The following ZDHHC2 variants were observed in gnomAD, a reference collection of about 807,000 sequenced individuals.
ZDHHC2 encodes the protein zDHHC palmitoyltransferase 2.
In ZDHHC2, 51 loss-of-function variants were observed where a neutral mutation model predicts 55.6. The observed-to-expected ratio is 0.92, with a 90% CI of 0.73 to 1.16. The LOEUF (loss-of-function observed/expected upper bound fraction) is 1.16, where lower values mean the gene tolerates loss of function less well. Ranked by LOEUF, ZDHHC2 falls within the 50% of genes most tolerant of loss-of-function variation. The pLI is 0.00. For missense variants in ZDHHC2, 491 were observed against 442.4 expected, an observed-to-expected ratio of 1.11 and a Z score of -0.99; for synonymous variants, 199 against 152.9, an observed-to-expected ratio of 1.30 and a Z score of -2.22.
intron 6 of ZDHHC2, among the ~76,000 whole-genome samples, chr8:17,204,709 A>G (rs1367605524): frequency 6.6e-6 from 1 of 152,216 alleles, no homozygotes; most frequent in Admixed American, 6.5e-5. Context: ...ACTAATGGAT[A>G]CTAGGCTTAA....
At chr8:17,210,259 T>C in intron 9 of ZDHHC2, 129 bp from the exon 10 acceptor site, 1 of 1,067,912 alleles carries the variant, frequency 9.4e-7, no homozygotes, top group Non-Finnish European at 1.3e-6. Context: ...TATGTTGAGC[T>C]CAATGTCTAA....
At chr8:17,197,261 G>C (rs535390962) in intron 4 of ZDHHC2, among the ~76,000 whole-genome samples, 1 of 152,090 alleles carries the variant, frequency 6.6e-6, no homozygotes, top group Non-Finnish European at 1.5e-5. Flanking sequence ...TGGTTTAATT[G>C]AGGGAGACAT....
rs148640117 is a variant in ZDHHC2 at position 17,213,076 on chromosome 8, G to A, written c.951-2161G>A. Among the ~76,000 whole-genome samples the A allele has an allele frequency of 1.1e-4, 17 of 152,142 alleles. No individual in the cohort carries two copies. In the East Asian group the frequency reaches 2.1e-3, roughly 19 times the overall value. Reference sequence around the variant, plus strand: ...CACATGGACCAAGCATGTTCCTTATGTAGTGCCTTGTCCTTGCTAATTCCC... The same window carrying A: ...CACATGGACCAAGCATGTTCCTTATATAGTGCCTTGTCCTTGCTAATTCCC... On this transcript the variant is annotated intron_variant, in intron 10 of 12. Coordinates refer to ENST00000262096, the MANE Select transcript of ZDHHC2 (RefSeq NM_016353.5).
chr8:17,196,425 T>C (rs1221702082), intron 4 of ZDHHC2, among the ~76,000 whole-genome samples: 2 of 152,088 alleles, frequency 1.3e-5, no homozygotes, highest in Non-Finnish European at 2.9e-5. Context: ...CACAGTGGCT[T>C]GTGCCTATAA....
intron 1 of ZDHHC2, among the ~76,000 whole-genome samples, chr8:17,157,083 G>T (rs1388879358): frequency 6.6e-6 from 1 of 151,966 alleles, no homozygotes; most frequent in African/African-American, 2.4e-5. Flanking sequence ...CCTCCGCCCC[G>T]CACTCGCCGC....
chr8:17,209,940 A>G lies in ZDHHC2; in HGVS notation c.739A>G (p.Arg247Gly). ...TTACCATCTTTTTTTAGAGGCATTC[A>G]GAAGTCCAGTATTTCGACATGGAAC... ...SKNKSTLEAF[R>G]SPVFRHGTDK... The change falls in exon 9 of 13, where the codon AGA (arginine) becomes GGA (glycine). Residue 247 changes from arginine to glycine, a missense_variant. Arg to Gly is a moderately radical substitution (Grantham distance 125). Coordinates refer to ENST00000262096, the MANE Select transcript of ZDHHC2 (RefSeq NM_016353.5). 2.5e-6 allele frequency: 4 copies of G among 1,608,268 alleles called. No individual in the cohort carries two copies. Among genetic ancestry groups the G allele is most frequent in the Non-Finnish European group, 3.4e-6 (4 of 1,177,606 alleles).
At chr8:17,209,511 A>T (rs1228855048) in intron 8 of ZDHHC2, among the ~76,000 whole-genome samples, 1 of 152,168 alleles carries the variant, frequency 6.6e-6, no homozygotes, top group African/African-American at 2.4e-5. Context: ...GGATTTACTT[A>T]AAAACAAAGG....
intron 7 of ZDHHC2, among the ~76,000 whole-genome samples, chr8:17,207,646 T>C (rs1243042932): frequency 6.6e-6 from 1 of 152,190 alleles, no homozygotes; most frequent in Non-Finnish European, 1.5e-5. Context: ...CTACATTTTA[T>C]AGTTCCATTT....
intron 1 of ZDHHC2, among the ~76,000 whole-genome samples, chr8:17,163,386 T>C (rs943758494): frequency 6.6e-6 from 1 of 152,150 alleles, no homozygotes; most frequent in Non-Finnish European, 1.5e-5. Context: ...TTTGATCTTT[T>C]TTCGTTACCA....
intron 8 of ZDHHC2, among the ~76,000 whole-genome samples, 187 bp downstream of exon 8, chr8:17,208,279 TTGTCTCATATATA>T (rs1807203854): frequency 6.6e-6 from 1 of 150,454 alleles, no homozygotes; most frequent in East Asian, 1.9e-4. Context: ...TATTTATTGA[TTGTCTCATATATA>T]TGTATATATA....
chr8:17,219,064 A>G (rs1429355100), intron 12 of ZDHHC2, among the ~76,000 whole-genome samples: 1 of 151,944 alleles, frequency 6.6e-6, no homozygotes, highest in Non-Finnish European at 1.5e-5. Context: ...AGCCTAACCA[A>G]CAAGGTGAAA....
chr8:17,174,927 A>G (rs1041322426), intron 1 of ZDHHC2, among the ~76,000 whole-genome samples: 3 of 151,590 alleles, frequency 2.0e-5, no homozygotes, highest in Non-Finnish European at 2.9e-5. Flanking sequence ...GAGTTTTACC[A>G]TGTTGCCAAG....
rs1807940053 is a variant in ZDHHC2, at chr8:17,222,008, A to G, written c.*1787A>G. On this transcript the variant is annotated 3_prime_UTR_variant, in exon 13 of 13. Transcript: ENST00000262096. ...TTTTTTTTTTTTTTTTTTTCAAAGC[A>G]CAGTACTGTTAGCTGTTTTTGTGGA... The G allele has an allele frequency of 7.2e-6, 1 of 138,880 alleles. No homozygotes were observed. Among genetic ancestry groups the G allele is most frequent in the African/African-American group, 2.7e-5 (1 of 37,450 alleles). The allele number at this position is 138,880 out of a possible 1,614,324, so 8.6% of individuals were successfully genotyped here. A position where few individuals can be genotyped will look rare whatever the true frequency, so the allele number is the denominator to read the frequency against.
At chr8:17,175,905 C>G (rs911746156) in intron 1 of ZDHHC2, among the ~76,000 whole-genome samples, 4 of 152,182 alleles carry the variant, frequency 2.6e-5, no homozygotes, top group African/African-American at 9.7e-5. Flanking sequence ...GCTTTTCAGA[C>G]TGGGCAAAGA....
intron 1 of ZDHHC2, among the ~76,000 whole-genome samples, chr8:17,163,131 G>T (rs62497324): frequency 3.5e-4 from 54 of 152,222 alleles, no homozygotes; most frequent in Non-Finnish European, 7.1e-4. Context: ...AGCCTGGAGA[G>T]CTTAGCTTAG....
chr8:17,215,303 T>G lies in ZDHHC2; in HGVS notation c.1017T>G (p.Ser339=), dbSNP rs568940928. ...CCCAGAGCCACCTTCTTACTGATTC[T>G]CAGTCTTGGACGGAGAGCAGCATAA... The part of the protein sequence containing the change: ...RESQSHLLTD[S]QSWTESSINP... Residue 339 remains serine, a synonymous_variant, in exon 11 of 13, where the codon TCT becomes TCG. Transcript: ENST00000262096. 6.3e-7 allele frequency: 1 copy of G among 1,599,936 alleles called. No homozygotes were observed. Among genetic ancestry groups the G allele is most frequent in the Admixed American group, 1.7e-5 (1 of 58,162 alleles).
chr8:17,213,459 C>T (rs915508196), intron 10 of ZDHHC2, among the ~76,000 whole-genome samples: 6 of 152,050 alleles, frequency 3.9e-5, no homozygotes, highest in African/African-American at 1.4e-4. Context: ...ACCATATTGG[C>T]CAGGCTGGTC....
intron 1 of ZDHHC2, among the ~76,000 whole-genome samples, chr8:17,171,116 A>G (rs1023877876): frequency 1.3e-5 from 2 of 152,146 alleles, no homozygotes; most frequent in Non-Finnish European, 2.9e-5. Context: ...GTCTTTCCTC[A>G]AGAAGGGAAT....
At chr8:17,172,505 C>T (rs1447910551) in intron 1 of ZDHHC2, among the ~76,000 whole-genome samples, 2 of 152,142 alleles carry the variant, frequency 1.3e-5, no homozygotes, top group East Asian at 1.9e-4. Context: ...TTCTAGAGAT[C>T]GGCTCTACAT....
Sources: allele counts gnomAD v4.1 joint callset (sites outside exome capture counted in the v4.1 genomes callset), GRCh38; gene constraint gnomAD v4.1.1; transcripts MANE v1.5; gene names NCBI Gene and HGNC (gene_info 2026-07-23, HGNC 2026-07-21).